Variants in ACACA observed in about 807,000 individuals in gnomAD.
The protein encoded by ACACA is acetyl-CoA carboxylase alpha.
A neutral mutation model predicts 296.1 loss-of-function variants in ACACA; 103 were observed. The observed-to-expected ratio is 0.35, with a 90% CI of 0.30 to 0.41. The LOEUF is 0.41. ACACA is among the 10% of genes least tolerant of loss of function. The pLI is 1.00. For synonymous variants in ACACA, 953 were observed against 1,038.6 expected (o/e 0.92, Z 1.58); for missense variants, 1,554 against 2,989.7 (o/e 0.52, Z 11.20).
At chr17:37,303,816 C>T (rs1166742309) in intron 3 of ACACA, among the ~76,000 whole-genome samples, 1 of 152,330 alleles carries the variant, frequency 6.6e-6, no homozygotes, top group East Asian at 1.9e-4. Flanking sequence ...CAAGATCGCG[C>T]CATTGCATTC....
rs528912021 is a variant in ACACA, at chr17:37,368,694, C to T, written c.39-28844G>A. 3.3e-5 allele frequency: 5 copies of T among 152,304 alleles called. No homozygotes were observed. The East Asian group carries it at 9.6e-4, about 29-fold the overall frequency. The allele number at this position is 152,304 out of a possible 1,614,324, so 9.4% of individuals were successfully genotyped here. ...CTTGGGATATTATGAATCCTTTACC[C>T]TTACTTGGAAGGAGCAAATGACTGT... On this transcript the variant is annotated intron_variant, in intron 1 of 55. Coordinates refer to ENST00000616317, the MANE Select transcript of ACACA (RefSeq NM_198834.3).
chr17:37,162,488 T>C (rs1444559014), intron 41 of ACACA: 10 of 296,724 alleles, frequency 3.4e-5, no homozygotes, highest in East Asian at 9.4e-5. Context: ...TGGTGTGAGG[T>C]GTTTGGGTCA....
intron 3 of ACACA, among the ~76,000 whole-genome samples, chr17:37,321,406 C>T (rs1441794585): frequency 6.6e-6 from 1 of 152,012 alleles, no homozygotes; most frequent in Admixed American, 6.6e-5. Context: ...AGGTGGATCA[C>T]GAGGTCAGGA....
chr17:37,360,979 C>T (rs1292534717), intron 1 of ACACA, among the ~76,000 whole-genome samples: 1 of 151,678 alleles, frequency 6.6e-6, no homozygotes, highest in Non-Finnish European at 1.5e-5. Context: ...GCGGTTGCCT[C>T]TTACTTTTCT....
At chr17:37,203,510 G>A (rs966731416) in intron 33 of ACACA, among the ~76,000 whole-genome samples, 3 of 151,766 alleles carry the variant, frequency 2.0e-5, no homozygotes, top group Non-Finnish European at 2.9e-5. Context: ...TTGGGAGGCC[G>A]AGGCAGGCAG....
chr17:37,117,689 G>C (rs2074322529), intron 50 of ACACA, among the ~76,000 whole-genome samples: 1 of 151,898 alleles, frequency 6.6e-6, no homozygotes, highest in Non-Finnish European at 1.5e-5. Flanking sequence ...CGGCCAGATA[G>C]AGCTCATTGA....
At chr17:37,156,761 A>G (rs1301263539) in intron 42 of ACACA, among the ~76,000 whole-genome samples, 3 of 152,270 alleles carry the variant, frequency 2.0e-5, no homozygotes, top group African/African-American at 7.2e-5. Flanking sequence ...AGTCAAAAAA[A>G]TAAGTAAACA....
Position 37,205,751 on chromosome 17 carries a change from A to C in ACACA, c.4056+14T>G, listed in dbSNP as rs755112089. The C allele has an allele frequency of 3.1e-6, 5 of 1,605,396 alleles. No homozygotes were observed. In the Admixed American group the frequency reaches 8.3e-5, roughly 27 times the overall value. On this transcript the variant is annotated intron_variant, in intron 33 of 55. Transcript: ENST00000616317. ...AAGGGGACATCACGAGCTTCCACCC[A>C]ATCAAGAACTTACATTTTGCTGGGT...
intron 3 of ACACA, among the ~76,000 whole-genome samples, chr17:37,293,936 T>C (rs2083204298): frequency 6.6e-6 from 1 of 152,212 alleles, no homozygotes; most frequent in Admixed American, 6.5e-5. Context: ...ATAACTTCTA[T>C]AAACAGAGAT....
At chr17:37,354,047 G>A (rs1044742759) in intron 1 of ACACA, among the ~76,000 whole-genome samples, 10 of 152,162 alleles carry the variant, frequency 6.6e-5, no homozygotes, top group Non-Finnish European at 1.3e-4. Context: ...GGTCAAGGTT[G>A]TAGTGAGCCA....
chr17:37,195,205 G>A (rs1348782910), intron 35 of ACACA, among the ~76,000 whole-genome samples: 2 of 152,038 alleles, frequency 1.3e-5, no homozygotes, highest in African/African-American at 2.4e-5. Context: ...TTTCTATTCC[G>A]CCTTAACTAT....
At chr17:37,274,799 A>G (rs2082207042) in intron 8 of ACACA, 1 of 315,440 alleles carries the variant, frequency 3.2e-6, no homozygotes, top group Non-Finnish European at 4.6e-6. Flanking sequence ...CTCTCCATTC[A>G]AACAAGAACA....
chr17:37,231,218 T>TAAAA (rs777551834), intron 25 of ACACA, among the ~76,000 whole-genome samples: 1 of 127,806 alleles, frequency 7.8e-6, no homozygotes, highest in African/African-American at 2.9e-5. Flanking sequence ...ATCTTTAATT[T>TAAAA]AAAAAAAAAA....
rs1193946316 is a variant in ACACA at position 37,113,179 on chromosome 17, G to C, written c.6361C>G (p.Pro2121Ala). 4.3e-6 allele frequency: 7 copies of C among 1,614,080 alleles called. No individual in the cohort carries two copies. Among genetic ancestry groups the C allele is most frequent in the Non-Finnish European group, 5.9e-6 (7 of 1,180,024 alleles). ...GAGCCACCCCGCAGCTCAGCCTGGG[G>C]AGGAATGTAAACCAGCACAGGCTGG... ...CCQPVLVYIPPQAELRGGSWV... is the reference protein window; with the variant it reads ...CCQPVLVYIPAQAELRGGSWV... The change falls in exon 51 of 56, where the codon CCC becomes GCC. Residue 2121 changes from proline (P) to alanine (A), a missense_variant. Pro to Ala is a conservative substitution (Grantham distance 27). Around this residue, in one of 16 missense-constraint regions of ACACA, gnomAD observed 553 missense variants for 1,043.6 expected, o/e 0.53. Coordinates refer to ENST00000616317, the MANE Select transcript of ACACA (RefSeq NM_198834.3). This position sits in a 1 kb window ranked among gnomAD's most constrained non-coding sequence, Gnocchi z 4.0.
intron 26 of ACACA, 64 bp from the exon 27 acceptor site, chr17:37,225,169 G>A: frequency 1.0e-6 from 1 of 954,648 alleles, no homozygotes; most frequent in African/African-American, 1.6e-5. Flanking sequence ...CTCCTATTAG[G>A]CAGCTCTGAT....
At chr17:37,275,224 G>A (rs527606567) in intron 8 of ACACA, among the ~76,000 whole-genome samples, 19 of 152,214 alleles carry the variant, frequency 1.2e-4, no homozygotes, top group Admixed American at 6.5e-4. Context: ...GGCGCCAGGC[G>A]CGGTGGCTCA....
chr17:37,339,858 GAA>G lies in ACACA; in HGVS notation c.39-10_39-9del, dbSNP rs1555651668. 1.6e-6 allele frequency: 2 copies of G among 1,226,104 alleles called. No homozygotes were observed. The highest frequency in any genetic ancestry group is 4.0e-5 in the African/African-American group (2 of 49,608). 76.0% of individuals were successfully genotyped at this position (1,226,104 alleles called of 1,614,324 possible). On this transcript the variant is annotated splice_polypyrimidine_tract_variant and intron_variant, in intron 1 of 55. Transcript: ENST00000616317. The stretch of plus-strand genomic sequence containing the variant: ...ATCCACTTCCAAAAAGACCTAGAGA[GAA>G]AGAGAAAGATTTTAAGGTTTTTTTT...
intron 1 of ACACA, chr17:37,386,087 C>A: frequency 6.3e-7 from 1 of 1,598,832 alleles, no homozygotes; most frequent in Admixed American, 1.7e-5. Context: ...CCTTCTATAA[C>A]TCCTGGGAAT....
At position 37,330,199 on chromosome 17, in the gene ACACA, T is replaced by C. The variant is rs748954446; in HGVS notation, c.312A>G (p.Leu104=). ...TTATGTGCAAGGCCAAGCCATCCTG[T>C]AGGCTAGAGATCCCCAAATCAGAGA... is the stretch of plus-strand genomic sequence containing the variant. ...DTLSDLGISS[L]QDGLALHIRS... is the part of the protein sequence containing the mutation. The change falls in exon 3 of 56, where the codon CTA becomes CTG. Residue 104 remains leucine, a synonymous_variant. Transcript: ENST00000616317. 1 of 1,614,194 alleles carries C rather than the reference T, an allele frequency of 6.2e-7. No individual in the cohort carries two copies. The highest frequency in any genetic ancestry group is 1.7e-5 in the Admixed American group (1 of 60,018).
Sources: allele counts gnomAD v4.1 joint callset (sites outside exome capture counted in the v4.1 genomes callset), GRCh38; gene constraint gnomAD v4.1.1; regional missense constraint gnomAD v4.1.1; non-coding constraint Gnocchi (gnomAD v3.1); transcripts MANE v1.5; gene names NCBI Gene and HGNC (gene_info 2026-07-23, HGNC 2026-07-21).